The following SND1 variants were observed in gnomAD, a reference collection of about 807,000 sequenced individuals.
SND1 encodes the protein staphylococcal nuclease and tudor domain containing 1.
A neutral mutation model predicts 121.7 loss-of-function variants in SND1; 38 were observed. The ratio of observed to expected loss-of-function variants is 0.31; its 90% CI spans 0.24 to 0.41. The LOEUF (loss-of-function observed/expected upper bound fraction) is 0.41, where lower values mean the gene tolerates loss of function less well. SND1 is among the 10% of genes least tolerant of loss of function. The pLI is 1.00. For missense variants in SND1, 868 were observed against 1,184.6 expected, an observed-to-expected ratio of 0.73 and a Z score of 3.92; for synonymous variants, 401 against 447.4, an observed-to-expected ratio of 0.90 and a Z score of 1.31.
At chr7:127,888,992 C>T (rs1026348359) in intron 13 of SND1, among the ~76,000 whole-genome samples, 2 of 152,070 alleles carry the variant, frequency 1.3e-5, no homozygotes, top group Non-Finnish European at 2.9e-5. Flanking sequence ...TGACATTTAC[C>T]TCTAACACCG....
intron 14 of SND1, among the ~76,000 whole-genome samples, chr7:127,922,663 G>A (rs1352364865): frequency 1.3e-5 from 2 of 152,104 alleles, no homozygotes; most frequent in African/African-American, 4.8e-5. Context: ...GCACTACTTT[G>A]CCCTGTGGCT....
intron 11 of SND1, among the ~76,000 whole-genome samples, chr7:127,837,203 C>CT (rs1396560508): frequency 6.6e-6 from 1 of 152,092 alleles, no homozygotes; most frequent in Non-Finnish European, 1.5e-5. Context: ...AGGAATGAGG[C>CT]TAAGACTTGT....
At chr7:128,081,782 T>C in intron 18 of SND1, 1 of 615,806 alleles carries the variant, frequency 1.6e-6, no homozygotes, top group Non-Finnish European at 3.2e-6. Context: ...ACCAGGTTTA[T>C]CTGGGTGGAG....
At chr7:127,906,124 A>G (rs568820152) in intron 14 of SND1, among the ~76,000 whole-genome samples, 1 of 152,290 alleles carries the variant, frequency 6.6e-6, no homozygotes, top group Non-Finnish European at 1.5e-5. Flanking sequence ...ACTGCAGATT[A>G]TAGGTTAAAC....
At chr7:128,023,810 C>G (rs1451447216) in intron 16 of SND1, among the ~76,000 whole-genome samples, 1 of 152,138 alleles carries the variant, frequency 6.6e-6, no homozygotes, top group Non-Finnish European at 1.5e-5. Flanking sequence ...TAACTGTTAT[C>G]TAGCATTTGC....
chr7:127,774,747 T>C (rs1395772863), intron 10 of SND1, among the ~76,000 whole-genome samples: 1 of 152,042 alleles, frequency 6.6e-6, no homozygotes, highest in Non-Finnish European at 1.5e-5. Context: ...CCCGGCTAAT[T>C]TTTATATTTT....
Position 127,886,325 on chromosome 7 carries a change from T to C in SND1, c.1344-1577T>C, listed in dbSNP as rs559195121. 3.9e-5 allele frequency among the ~76,000 whole-genome samples: 6 copies of C among 151,982 alleles called. No homozygotes were observed. The South Asian group carries it at 6.2e-4, about 16-fold the overall frequency. Reference sequence around the variant, plus strand: ...TCTTCTTTAAAAAAAAAAAAGCATGTTCTCCTGGGTTTTGACGAATAGAGC... The same window carrying C: ...TCTTCTTTAAAAAAAAAAAAGCATGCTCTCCTGGGTTTTGACGAATAGAGC... On this transcript the variant is annotated intron_variant, in intron 12 of 23. Transcript: ENST00000354725.
intron 1 of SND1, among the ~76,000 whole-genome samples, chr7:127,664,986 A>T (rs1271662392): frequency 6.6e-6 from 1 of 152,074 alleles, no homozygotes; most frequent in African/African-American, 2.4e-5. Flanking sequence ...TGGCACGGAG[A>T]ACACTTGTTT....
intron 1 of SND1, among the ~76,000 whole-genome samples, chr7:127,678,157 G>T (rs1795646817): frequency 6.6e-6 from 1 of 152,168 alleles, no homozygotes; most frequent in African/African-American, 2.4e-5. Flanking sequence ...ATGCTTGTTT[G>T]TATGTGTGGC....
At chr7:127,678,217 T>C (rs1038821517) in intron 1 of SND1, among the ~76,000 whole-genome samples, 4 of 152,232 alleles carry the variant, frequency 2.6e-5, no homozygotes, top group Admixed American at 2.6e-4. Context: ...CTTGCTCTGC[T>C]GTCAATCCTG....
intron 16 of SND1, among the ~76,000 whole-genome samples, chr7:128,062,821 G>A (rs1057265367): frequency 1.3e-5 from 2 of 152,180 alleles, no homozygotes. Context: ...TTGAGCTAGG[G>A]GTTGGCATCC....
intron 1 of SND1, among the ~76,000 whole-genome samples, chr7:127,667,183 A>G (rs1037614030): frequency 1.3e-5 from 2 of 152,160 alleles, no homozygotes; most frequent in Non-Finnish European, 2.9e-5. Flanking sequence ...CTGAGTAAGT[A>G]TATTAGACAT....
intron 10 of SND1, among the ~76,000 whole-genome samples, chr7:127,759,004 T>C (rs1368628150): frequency 6.6e-6 from 1 of 152,100 alleles, no homozygotes; most frequent in Non-Finnish European, 1.5e-5. Context: ...CAGTGAGCTG[T>C]GATTGTGCCA....
At chr7:127,796,041 T>G (rs1256054968) in intron 10 of SND1, among the ~76,000 whole-genome samples, 1 of 151,972 alleles carries the variant, frequency 6.6e-6, no homozygotes, top group Non-Finnish European at 1.5e-5. Flanking sequence ...ATATTTTTAG[T>G]GGAGACGGGG....
rs201240288 is a variant in SND1 at position 127,686,727 on chromosome 7, G to A, written c.193G>A (p.Ala65Thr). The A allele has an allele frequency of 3.8e-5, 61 of 1,614,116 alleles. No homozygotes were observed. In the African/African-American group the frequency reaches 4.9e-4, roughly 13 times the overall value. ...TGGAAATCTTGCTCGCCGGGCAGCCGCCACACAACCTGATGCAAAGGATAC... is the reference window on the plus strand; with the variant it reads ...TGGAAATCTTGCTCGCCGGGCAGCCACCACACAACCTGATGCAAAGGATAC... ...RAGNLARRAA[A>T]TQPDAKDTPD... The change falls in exon 2 of 24, where the codon GCC becomes ACC. Residue 65 changes from alanine (A) to threonine (T), a missense_variant. Coordinates refer to ENST00000354725, the MANE Select transcript of SND1 (RefSeq NM_014390.4).
At chr7:128,036,730 A>G (rs1477084849) in intron 16 of SND1, among the ~76,000 whole-genome samples, 1 of 152,038 alleles carries the variant, frequency 6.6e-6, no homozygotes, top group Non-Finnish European at 1.5e-5. Context: ...CCCAGCTAGC[A>G]CTCTGCCTCC....
At chr7:127,752,805 T>C (rs2016786) in intron 10 of SND1, among the ~76,000 whole-genome samples, 90,997 of 152,066 alleles carry the variant, frequency 0.6, 27,613 homozygotes, top group East Asian at 0.87. Context: ...AATATTGTTC[T>C]TTTGATTTTC....
At chr7:127,820,172 A>G (rs1231117457) in intron 11 of SND1, among the ~76,000 whole-genome samples, 1 of 152,098 alleles carries the variant, frequency 6.6e-6, no homozygotes, top group African/African-American at 2.4e-5. Flanking sequence ...TGGGGAAAGG[A>G]ATTGTTTCCT....
chr7:127,897,138 C>T (rs1800135024), intron 13 of SND1, among the ~76,000 whole-genome samples: 1 of 152,136 alleles, frequency 6.6e-6, no homozygotes, highest in Non-Finnish European at 1.5e-5. Flanking sequence ...CTGCTTCTGA[C>T]TCTGCCTCCC....
Sources: allele counts gnomAD v4.1 joint callset (sites outside exome capture counted in the v4.1 genomes callset), GRCh38; gene constraint gnomAD v4.1.1; transcripts MANE v1.5; gene names NCBI Gene and HGNC (gene_info 2026-07-23, HGNC 2026-07-21).